TMEM266: variants seen among roughly 807,000 people sequenced by gnomAD.
TMEM266 encodes Hv1 related protein 1.
A neutral mutation model predicts 50.5 loss-of-function variants in TMEM266; 33 were observed. That is an observed-to-expected ratio of 0.65 (90% CI 0.50 to 0.87). The LOEUF is 0.87. TMEM266 is among the 40% of genes least tolerant of loss of function. The probability of loss-of-function intolerance (pLI) is 0.00; values close to 1 mark genes in which losing one functional copy is unlikely to be tolerated. For synonymous variants in TMEM266, 310 were observed against 292.3 expected, an observed-to-expected ratio of 1.06 and a Z score of -0.62; for missense variants, 655 against 695.1, an observed-to-expected ratio of 0.94 and a Z score of 0.65.
chr15:76,185,810 C>A (rs1391146141), intron 8 of TMEM266, among the ~76,000 whole-genome samples: 7 of 152,176 alleles, frequency 4.6e-5, no homozygotes, highest in Non-Finnish European at 1.0e-4. Flanking sequence ...CAGCAGCAAG[C>A]CTTAACTGCA....
intron 1 of TMEM266, among the ~76,000 whole-genome samples, chr15:76,104,869 C>T (rs953821995): frequency 6.6e-6 from 1 of 152,018 alleles, no homozygotes; most frequent in African/African-American, 2.4e-5. Flanking sequence ...CCTGTCAGAG[C>T]CAGCTTCCAG....
chr15:76,131,100 G>C lies in TMEM266; in HGVS notation c.-96-3068G>C, dbSNP rs1438224422. Among the ~76,000 whole-genome samples the C allele has an allele frequency of 2.0e-5, 3 of 152,178 alleles. No individual in the cohort carries two copies. The East Asian group carries it at 5.8e-4, about 29-fold the overall frequency. ...CATGTAAAATACTAATTTGGGGCTAGGCATGGTGTCTCATGCCTGTAATCC... is the reference window on the plus strand; with the variant it reads ...CATGTAAAATACTAATTTGGGGCTACGCATGGTGTCTCATGCCTGTAATCC... On this transcript the variant is annotated intron_variant, in intron 1 of 10. Coordinates refer to ENST00000388942, the MANE Select transcript of TMEM266 (RefSeq NM_152335.3).
intron 7 of TMEM266, among the ~76,000 whole-genome samples, chr15:76,174,222 A>G (rs896888507): frequency 2.0e-5 from 3 of 152,136 alleles, no homozygotes; most frequent in African/African-American, 7.2e-5. Context: ...CTTCATCCAA[A>G]TATAATTCAC....
chr15:76,095,399 T>G (rs1426369775), intron 1 of TMEM266, among the ~76,000 whole-genome samples: 1 of 152,124 alleles, frequency 6.6e-6, no homozygotes, highest in Non-Finnish European at 1.5e-5. Flanking sequence ...TGGCTCCATT[T>G]ATGTGATGGA....
intron 1 of TMEM266, among the ~76,000 whole-genome samples, chr15:76,093,335 A>G (rs1310164796): frequency 7.1e-6 from 1 of 140,512 alleles, no homozygotes; most frequent in Non-Finnish European, 1.5e-5. Flanking sequence ...TCCCCTCCCT[A>G]TGTCCATGTG....
At position 76,168,172 on chromosome 15, in the gene TMEM266, G is replaced by A. The variant is rs774706228; in HGVS notation, c.457-1644G>A. ...CCCACCCAGATCTCTCCCCACCCCT[G>A]CAAGCTGTCTCGCAGTTAAGCGTGG... On this transcript the variant is annotated intron_variant, in intron 5 of 10. Coordinates refer to ENST00000388942, the MANE Select transcript of TMEM266 (RefSeq NM_152335.3). The surrounding 1 kb of genome is among the most constrained non-coding windows in gnomAD (Gnocchi z 4.4). Among the ~76,000 whole-genome samples the A allele has an allele frequency of 6.6e-6, 1 of 152,006 alleles. No homozygotes were observed. Among genetic ancestry groups the A allele is most frequent in the Non-Finnish European group, 1.5e-5 (1 of 68,006 alleles).
At chr15:76,079,164 C>T (rs183977004) in intron 1 of TMEM266, among the ~76,000 whole-genome samples, 2 of 152,132 alleles carry the variant, frequency 1.3e-5, no homozygotes, top group Admixed American at 1.3e-4. Context: ...ACCAGCCTGG[C>T]CAACATGGTA....
At chr15:76,192,471 T>A (rs1279896285) in intron 9 of TMEM266, among the ~76,000 whole-genome samples, 1 of 152,126 alleles carries the variant, frequency 6.6e-6, no homozygotes, top group Non-Finnish European at 1.5e-5. Flanking sequence ...GAGGTGTGAC[T>A]TTTCTGTTGT....
rs1194679692 is a variant in TMEM266 at position 76,139,859 on chromosome 15, T to A, written c.227+1964T>A. Among the ~76,000 whole-genome samples, 2 of 152,192 alleles carry A rather than the reference T, an allele frequency of 1.3e-5. No homozygotes were observed. Among genetic ancestry groups the A allele is most frequent in the Non-Finnish European group, 2.9e-5 (2 of 68,030 alleles). On this transcript the variant is annotated intron_variant, in intron 3 of 10. Transcript: ENST00000388942. This position sits in a 1 kb window ranked among gnomAD's most constrained non-coding sequence, Gnocchi z 4.1. ...TGTCCACATGTGCCCCCTGTGCGTGTTACGGCACCGCGGGTGGACCTTGCT... is the reference window on the plus strand; with the variant it reads ...TGTCCACATGTGCCCCCTGTGCGTGATACGGCACCGCGGGTGGACCTTGCT...
intron 1 of TMEM266, chr15:76,109,052 A>G (rs2037128031): frequency 6.6e-6 from 1 of 152,128 alleles, no homozygotes; most frequent in African/African-American, 2.4e-5. Flanking sequence ...GAGCTGTGGA[A>G]AGCACATTAC....
rs546434242 is a variant in TMEM266, at chr15:76,089,109, A to G, written c.-97+29093A>G. Among the ~76,000 whole-genome samples the G allele has an allele frequency of 8.0e-3, 1,197 of 149,558 alleles. 27 individuals carry two copies. The highest frequency in any genetic ancestry group is 0.028 in the African/African-American group (1,130 of 40,472). On this transcript the variant is annotated intron_variant, in intron 1 of 10. Coordinates refer to ENST00000388942, the MANE Select transcript of TMEM266 (RefSeq NM_152335.3). ...ACTCTGTCTCAAAAAAAAAAAAAAA[A>G]AAAAAGAGGAAAAAGAAAAGCATAG...
Position 76,168,545 on chromosome 15 carries a change from CT to C in TMEM266, c.457-1269del, listed in dbSNP as rs1378970939. Among the ~76,000 whole-genome samples the C allele has an allele frequency of 5.9e-5, 9 of 152,220 alleles. No homozygotes were observed. Among genetic ancestry groups the C allele is most frequent in the Non-Finnish European group, 1.3e-4 (9 of 68,054 alleles). ...AGCCTGCAGACAAATGCACCGGCAT[CT>C]TACGAGACCAGCATTTAGGGGCTTC... On this transcript the variant is annotated intron_variant, in intron 5 of 10. Coordinates refer to ENST00000388942, the MANE Select transcript of TMEM266 (RefSeq NM_152335.3). The surrounding 1 kb of genome is among the most constrained non-coding windows in gnomAD (Gnocchi z 4.4).
chr15:76,110,829 T>C (rs534008844), intron 1 of TMEM266, among the ~76,000 whole-genome samples: 1 of 152,302 alleles, frequency 6.6e-6, no homozygotes, highest in East Asian at 1.9e-4. Flanking sequence ...GCAAAAAATC[T>C]GAATAGACAC....
chr15:76,067,844 A>G (rs1170839470), intron 1 of TMEM266, among the ~76,000 whole-genome samples: 1 of 152,084 alleles, frequency 6.6e-6, no homozygotes, highest in East Asian at 1.9e-4. Context: ...TATCAAACCA[A>G]AAATAATTAA....
chr15:76,174,700 C>T (rs79145320), intron 7 of TMEM266, among the ~76,000 whole-genome samples: 2,795 of 152,338 alleles, frequency 0.018, 24 homozygotes, highest in Non-Finnish European at 0.031. Context: ...CCTAGGCAAG[C>T]ACTAAGCTGC....
intron 8 of TMEM266, 32 bp downstream of exon 8, chr15:76,175,706 G>A: frequency 6.4e-7 from 1 of 1,559,436 alleles, no homozygotes; most frequent in African/African-American, 1.4e-5. Flanking sequence ...CTCTGTCCGT[G>A]GTCTTGCTGG....
intron 6 of TMEM266, 59 bp downstream of exon 6, chr15:76,169,931 G>T (rs973464272): frequency 6.4e-7 from 1 of 1,553,988 alleles, no homozygotes; most frequent in African/African-American, 1.4e-5. Context: ...GCTGGAAAAC[G>T]TCATGTCCCA....
chr15:76,106,550 C>T (rs1471544310), intron 1 of TMEM266, among the ~76,000 whole-genome samples: 1 of 152,088 alleles, frequency 6.6e-6, no homozygotes, highest in African/African-American at 2.4e-5. Context: ...AGCGATCCTC[C>T]TGCCTCAGCC....
At chr15:76,162,263 G>A (rs953271424) in intron 5 of TMEM266, among the ~76,000 whole-genome samples, 4 of 152,212 alleles carry the variant, frequency 2.6e-5, no homozygotes, top group East Asian at 3.9e-4. Context: ...AGTGTCCAGC[G>A]TGAATGGAGG....
Sources: gnomAD v4.1 joint callset for allele counts (sites outside exome capture counted in the v4.1 genomes callset) on GRCh38, gnomAD v4.1.1 for gene constraint, Gnocchi (gnomAD v3.1) non-coding constraint, MANE v1.5 for transcripts, NCBI Gene and HGNC (gene_info 2026-07-23, HGNC 2026-07-21) for gene names.